The following PDE1C variants were observed in gnomAD, a reference collection of about 807,000 sequenced individuals.
PDE1C encodes phosphodiesterase 1C.
In PDE1C, 62 loss-of-function variants were observed where a neutral mutation model predicts 93.1. That is an observed-to-expected ratio of 0.67 (90% confidence interval 0.54 to 0.82). PDE1C has a LOEUF of 0.82. Ranked by LOEUF, PDE1C falls within the 40% of genes least tolerant of loss-of-function variation. PDE1C has a pLI of 0.00. For synonymous variants in PDE1C, 325 were observed against 310.1 expected (o/e 1.05, Z -0.50); for missense variants, 742 against 884.6 (o/e 0.84, Z 2.04).
chr7:31,996,072 C>CGG (rs1784688021), intron 2 of PDE1C, among the ~76,000 whole-genome samples: 1 of 98,358 alleles, frequency 1.0e-5, no homozygotes. Flanking sequence ...TCCGGACACA[C>CGG]ACACACACAC....
At chr7:32,149,286 C>T (rs768066778) in intron 3 of PDE1C, among the ~76,000 whole-genome samples, 44 of 152,246 alleles carry the variant, frequency 2.9e-4, no homozygotes, top group East Asian at 1.9e-4. Flanking sequence ...AAAACCAAAA[C>T]GATTACAGTT....
chr7:32,259,553 C>G (rs976390121), intron 1 of PDE1C, among the ~76,000 whole-genome samples: 1 of 152,120 alleles, frequency 6.6e-6, no homozygotes, highest in African/African-American at 2.4e-5. Context: ...GATGAGGAGG[C>G]ATTCCTGGGA....
the PDE1C span, among the ~76,000 whole-genome samples, chr7:31,617,712 C>T: frequency 2.0e-5 from 3 of 151,822 alleles, no homozygotes; most frequent in Non-Finnish European, 4.4e-5. Flanking sequence ...TCCCTCCGAC[C>T]CCCACAGTAC....
the PDE1C span, among the ~76,000 whole-genome samples, chr7:31,662,613 G>T: frequency 6.6e-6 from 1 of 152,186 alleles, no homozygotes; most frequent in Non-Finnish European, 1.5e-5. Flanking sequence ...AGACGTATGT[G>T]ACTGTGTTTG....
intron 2 of PDE1C, among the ~76,000 whole-genome samples, chr7:31,961,244 G>GTA (rs749011944): frequency 0.037 from 4,826 of 130,194 alleles, 98 homozygotes; most frequent in East Asian, 0.059. Flanking sequence ...ATATGTATAT[G>GTA]TATATATATA....
chr7:32,112,865 T>TATATATATAC (rs1276203872), intron 3 of PDE1C, among the ~76,000 whole-genome samples: 181 of 144,766 alleles, frequency 1.3e-3, no homozygotes, highest in African/African-American at 4.0e-3. Flanking sequence ...TATATATATA[T>TATATATATAC]ATATATATCT....
chr7:31,967,509 A>G (rs1810201111), intron 2 of PDE1C, among the ~76,000 whole-genome samples: 1 of 152,256 alleles, frequency 6.6e-6, no homozygotes, highest in South Asian at 2.1e-4. Context: ...AGATGGATTC[A>G]CAGCCAAATT....
chr7:31,871,254 T>C (rs1397349583), intron 6 of PDE1C, among the ~76,000 whole-genome samples: 6 of 151,868 alleles, frequency 4.0e-5, no homozygotes, highest in East Asian at 1.9e-4. Flanking sequence ...TTAAACATAA[T>C]ACTCAAAACT....
At chr7:32,027,167 C>T (rs555105655) in intron 2 of PDE1C, among the ~76,000 whole-genome samples, 41 of 152,180 alleles carry the variant, frequency 2.7e-4, no homozygotes, top group East Asian at 9.7e-4. Flanking sequence ...CTCTGAACTT[C>T]GGGCGAGAAT....
chr7:32,387,241 A>G (rs897583846), intron 1 of PDE1C, among the ~76,000 whole-genome samples: 8 of 152,224 alleles, frequency 5.3e-5, no homozygotes, highest in African/African-American at 1.9e-4. Context: ...TTTTCTTAGT[A>G]CAGAACAAAA....
chr7:32,325,479 C>T (rs1783387874), intron 1 of PDE1C, among the ~76,000 whole-genome samples: 1 of 152,226 alleles, frequency 6.6e-6, no homozygotes, highest in African/African-American at 2.4e-5. Flanking sequence ...CATCCCCTTC[C>T]CCAGCACTCT....
the PDE1C span, among the ~76,000 whole-genome samples, chr7:31,699,902 T>C: frequency 3.0e-4 from 46 of 152,232 alleles, no homozygotes; most frequent in African/African-American, 1.1e-3. Context: ...GACTGTTAAC[T>C]TAATCTATAA....
intron 1 of PDE1C, among the ~76,000 whole-genome samples, chr7:32,374,174 GAAAGA>G (rs1170546917): frequency 0.039 from 570 of 14,636 alleles, 9 homozygotes; most frequent in East Asian, 0.21. Context: ...AAGAAAGAAA[GAAAGA>G]AAGAAAGAAA....
At chr7:32,334,863 T>C (rs561602592) in intron 1 of PDE1C, among the ~76,000 whole-genome samples, 3 of 152,298 alleles carry the variant, frequency 2.0e-5, no homozygotes, top group African/African-American at 7.2e-5. Flanking sequence ...TTGTGGGAGA[T>C]ATGCATTTCT....
chr7:31,715,177 C>T, the PDE1C span, among the ~76,000 whole-genome samples: 3 of 151,818 alleles, frequency 2.0e-5, no homozygotes, highest in African/African-American at 7.3e-5. Flanking sequence ...TTACTATTAA[C>T]AATATGTATT....
intron 3 of PDE1C, among the ~76,000 whole-genome samples, chr7:32,143,776 A>G (rs1800668512): frequency 6.6e-6 from 1 of 152,108 alleles, no homozygotes; most frequent in Admixed American, 6.6e-5. Flanking sequence ...CAAATATTAC[A>G]TGTCTATTCA....
At chr7:32,374,438 G>A (rs1424564367) in intron 1 of PDE1C, among the ~76,000 whole-genome samples, 1 of 152,210 alleles carries the variant, frequency 6.6e-6, no homozygotes, top group Non-Finnish European at 1.5e-5. Context: ...ATTGTTTGCT[G>A]GAACATTCAC....
intron 3 of PDE1C, among the ~76,000 whole-genome samples, chr7:32,141,446 G>A (rs1314870316): frequency 2.6e-5 from 4 of 152,240 alleles, no homozygotes; most frequent in Non-Finnish European, 5.9e-5. Flanking sequence ...AGCAAAGTGA[G>A]TTAGTCATGT....
Position 32,420,206 on chromosome 7 carries a change from T to C in PDE1C, c.310+7616A>G, listed in dbSNP as rs376607249. The stretch of plus-strand genomic sequence containing the variant: ...ACATATATATGTGTATATATATACA[T>C]ATATATGTATATATACATATATATG... On this transcript the variant is annotated intron_variant, in intron 1 of 1. Transcript: ENST00000672256. Among the ~76,000 whole-genome samples, 5 of 27,626 alleles carry C rather than the reference T, an allele frequency of 1.8e-4. 1 individual carries two copies. Among genetic ancestry groups the C allele is most frequent in the African/African-American group, 3.4e-4 (3 of 8,866 alleles). The allele number at this position is 27,626 out of a possible 152,430, so 18.1% of individuals were successfully genotyped here.
Sources: gnomAD v4.1 joint callset for allele counts (sites outside exome capture counted in the v4.1 genomes callset) on GRCh38, gnomAD v4.1.1 for gene constraint, MANE v1.5 for transcripts, NCBI Gene and HGNC (gene_info 2026-07-23, HGNC 2026-07-21) for gene names.